The following ETS1 variants were observed in gnomAD, a reference collection of about 807,000 sequenced individuals.
ETS1 encodes the protein ETS proto-oncogene 1, transcription factor, also known as protein C-ets-1.
A neutral mutation model predicts 58.6 loss-of-function variants in ETS1; 15 were observed. The ratio of observed to expected loss-of-function variants is 0.26; its 90% CI spans 0.17 to 0.39. The LOEUF is 0.39. Ranked by LOEUF, ETS1 falls within the 10% of genes least tolerant of loss-of-function variation. ETS1 has a pLI of 1.00. For synonymous variants in ETS1, 214 were observed against 218.2 expected (o/e 0.98, Z 0.17); for missense variants, 417 against 610.5 (o/e 0.68, Z 3.34).
At chr11:128,524,367 G>A (rs949155897) in intron 3 of ETS1, among the ~76,000 whole-genome samples, 2 of 152,208 alleles carry the variant, frequency 1.3e-5, no homozygotes, top group South Asian at 2.1e-4. Flanking sequence ...ATAGGGTTGC[G>A]TAAAGCAGCA....
In ETS1 at chr11:128,585,003, GA is replaced by G. The variant is rs1464060501; in HGVS notation, c.-15+2484del. Among the ~76,000 whole-genome samples the G allele has an allele frequency of 1.7e-3, 63 of 36,348 alleles. 2 individuals carry two copies. The highest frequency in any genetic ancestry group is 4.2e-3 in the East Asian group (3 of 720). 23.8% of individuals were successfully genotyped at this position (36,348 alleles called of 152,430 possible). On this transcript the variant is annotated intron_variant, in intron 1 of 9. Coordinates refer to ENST00000392668, the MANE Select transcript of ETS1 (RefSeq NM_001143820.2). ...GAAAGAAAGAAAGGAAGGAAGGAAGGAAAGAAAGGAAAGAAAGAAGAAAGAA... is the reference window on the plus strand; with the variant it reads ...GAAAGAAAGAAAGGAAGGAAGGAAGGAAGAAAGGAAAGAAAGAAGAAAGAA...
Position 128,490,456 on chromosome 11 carries a change from C to T in ETS1, c.334+1G>A, listed in dbSNP as rs748582945. 1 of 1,613,998 alleles carries T rather than the reference C, an allele frequency of 6.2e-7. No individual in the cohort carries two copies. The highest frequency in any genetic ancestry group is 8.5e-7 in the Non-Finnish European group (1 of 1,179,910). ...CTCTTTTTCCAACTACAAAACCATACCTTTTGGGATCCCCAGTCGTTGCTG... is the reference window on the plus strand; with the variant it reads ...CTCTTTTTCCAACTACAAAACCATATCTTTTGGGATCCCCAGTCGTTGCTG... On this transcript the variant is annotated splice_donor_variant, in intron 4 of 9. Coordinates refer to ENST00000392668, the MANE Select transcript of ETS1 (RefSeq NM_001143820.2). LOFTEE classifies it high-confidence loss of function.
chr11:128,506,971 A>T (rs1441346697), intron 3 of ETS1, among the ~76,000 whole-genome samples: 1 of 152,200 alleles, frequency 6.6e-6, no homozygotes, highest in African/African-American at 2.4e-5. Flanking sequence ...CTCAAGGGGA[A>T]GAAGTCTCCA....
intron 3 of ETS1, among the ~76,000 whole-genome samples, chr11:128,493,697 G>A (rs1862863764): frequency 6.6e-6 from 1 of 152,122 alleles, no homozygotes. Context: ...GTGTGGAATT[G>A]TAGTTTAAAA....
In ETS1 at chr11:128,468,835, A is replaced by C. The variant is rs566521942; in HGVS notation, c.1124-5208T>G. On this transcript the variant is annotated intron_variant, in intron 8 of 9. Coordinates refer to ENST00000392668, the MANE Select transcript of ETS1 (RefSeq NM_001143820.2). ...AAGCCTAGCACAGTGCCTCACCAAC[A>C]AACACCAACAAACAAAAAATTCTTT... Among the ~76,000 whole-genome samples the C allele has an allele frequency of 2.7e-3, 410 of 152,328 alleles. 4 individuals are homozygous for C. The highest frequency in any genetic ancestry group is 9.7e-3 in the African/African-American group (402 of 41,570).
intron 2 of ETS1, among the ~76,000 whole-genome samples, chr11:128,556,947 A>G (rs775246474): frequency 1.5e-4 from 23 of 152,220 alleles, no homozygotes; most frequent in Non-Finnish European, 2.9e-4. Context: ...ATTGGTTGCT[A>G]GGCAGAAATT....
chr11:128,490,807 C>T (rs1314970235), intron 3 of ETS1, among the ~76,000 whole-genome samples: 2 of 150,994 alleles, frequency 1.3e-5, no homozygotes, highest in East Asian at 3.9e-4. Context: ...CAACCTCTGC[C>T]TCCTGGGTTC....
chr11:128,584,144 G>A (rs1362011835), intron 1 of ETS1, among the ~76,000 whole-genome samples: 2 of 152,170 alleles, frequency 1.3e-5, no homozygotes, highest in Non-Finnish European at 2.9e-5. Flanking sequence ...TCAGGGAAGG[G>A]ACTGACTTAC....
chr11:128,564,486 G>A (rs964486868), intron 2 of ETS1, among the ~76,000 whole-genome samples: 1 of 152,028 alleles, frequency 6.6e-6, no homozygotes, highest in Non-Finnish European at 1.5e-5. Context: ...GGACCCCCTG[G>A]GGAAGCACAC....
At chr11:128,526,601 T>C (rs1263389721) in intron 3 of ETS1, 4 of 261,658 alleles carry the variant, frequency 1.5e-5, no homozygotes, top group African/African-American at 9.4e-5. Flanking sequence ...ATAGAACAAC[T>C]ATCACCACAT....
rs941661330 is a variant in ETS1, at chr11:128,549,911, G to A, written c.214+6380C>T. On this transcript the variant is annotated intron_variant, in intron 3 of 9. Transcript: ENST00000392668. The surrounding 1 kb of genome is among the most constrained non-coding windows in gnomAD (Gnocchi z 4.3). ...CATTAGCCTTGAGCAAGATAAGAGT[G>A]GGCAGGACTCAGATGTGAGTGGGCA... is the stretch of plus-strand genomic sequence containing the variant. 6.6e-6 allele frequency among the ~76,000 whole-genome samples: 1 copy of A among 152,154 alleles called. No individual in the cohort carries two copies. The highest frequency in any genetic ancestry group is 2.4e-5 in the African/African-American group (1 of 41,416).
intron 1 of ETS1, among the ~76,000 whole-genome samples, chr11:128,585,534 G>A (rs901713448): frequency 1.3e-5 from 2 of 152,190 alleles, no homozygotes; most frequent in African/African-American, 4.8e-5. Flanking sequence ...AAATTCACCA[G>A]TGCAATCAAA....
intron 3 of ETS1, among the ~76,000 whole-genome samples, chr11:128,496,779 G>A (rs186553850): frequency 2.0e-5 from 3 of 152,250 alleles, no homozygotes; most frequent in Non-Finnish European, 2.9e-5. Context: ...ACTAGAAACC[G>A]GGCAGGCAGG....
chr11:128,515,285 CACT>C (rs2135507681), intron 3 of ETS1, among the ~76,000 whole-genome samples: 1 of 152,146 alleles, frequency 6.6e-6, no homozygotes, highest in South Asian at 2.1e-4. Flanking sequence ...CGCGCGTGCA[CACT>C]ACATGCAGAG....
chr11:128,485,935 A>G, intron 6 of ETS1, 134 bp downstream of exon 6: 1 of 622,264 alleles, frequency 1.6e-6, no homozygotes, highest in Middle Eastern at 2.6e-4. Flanking sequence ...AAATAAAGTA[A>G]CAAAGAAGAG....
chr11:128,462,217 G>T lies in ETS1; in HGVS notation c.*144C>A. 1.6e-6 allele frequency: 1 copy of T among 642,322 alleles called. No individual in the cohort carries two copies. Among genetic ancestry groups the T allele is most frequent in the Non-Finnish European group, 2.7e-6 (1 of 374,768 alleles). 39.8% of individuals were successfully genotyped at this position (642,322 alleles called of 1,614,324 possible). A position where few individuals can be genotyped will look rare whatever the true frequency, so the allele number is the denominator to read the frequency against. On this transcript the variant is annotated 3_prime_UTR_variant, in exon 10 of 10. Transcript: ENST00000392668. Reference sequence around the variant, plus strand: ...CAACTGCGCACAATTGATTACAGCTGCAACTGACTTAGCTCCCACCCCTGA... The same window carrying T: ...CAACTGCGCACAATTGATTACAGCTTCAACTGACTTAGCTCCCACCCCTGA...
intron 3 of ETS1, among the ~76,000 whole-genome samples, chr11:128,512,229 G>A (rs185638771): frequency 1.5e-4 from 23 of 152,244 alleles, no homozygotes; most frequent in Admixed American, 1.4e-3. Context: ...CTTCACTATT[G>A]GGGCGAAATA....
At chr11:128,578,629 C>G (rs1411182053) in intron 1 of ETS1, among the ~76,000 whole-genome samples, 1 of 152,042 alleles carries the variant, frequency 6.6e-6, no homozygotes, top group Non-Finnish European at 1.5e-5. Context: ...ATAATTTGTT[C>G]AATATTCTTC....
At chr11:128,566,386 C>T (rs1000393621) in intron 2 of ETS1, among the ~76,000 whole-genome samples, 5 of 152,182 alleles carry the variant, frequency 3.3e-5, no homozygotes, top group South Asian at 2.1e-4. Context: ...CTCACTGAAC[C>T]GTCACAGTGA....
Sources: gnomAD v4.1 joint callset for allele counts (sites outside exome capture counted in the v4.1 genomes callset) on GRCh38, gnomAD v4.1.1 for gene constraint, Gnocchi (gnomAD v3.1) non-coding constraint, MANE v1.5 for transcripts, NCBI Gene and HGNC (gene_info 2026-07-23, HGNC 2026-07-21) for gene names.